Variants in HELLS observed in about 807,000 individuals in gnomAD.
HELLS encodes the protein helicase, lymphoid specific, also known as lymphoid-specific helicase.
HELLS carries 32 observed loss-of-function variants against 120.0 expected under a neutral mutation model. That is an observed-to-expected ratio of 0.27 (90% confidence interval 0.20 to 0.36). The LOEUF is 0.36. Ranked by LOEUF, HELLS falls within the 10% of genes least tolerant of loss-of-function variation. The pLI is 1.00. For missense variants in HELLS, 650 were observed against 993.4 expected, an observed-to-expected ratio of 0.65 and a Z score of 4.65; for synonymous variants, 341 against 323.4, an observed-to-expected ratio of 1.05 and a Z score of -0.58.
intron 6 of HELLS, among the ~76,000 whole-genome samples, chr10:94,567,282 C>T (rs576606842): frequency 1.9e-4 from 29 of 152,146 alleles, no homozygotes; most frequent in Non-Finnish European, 3.4e-4. Flanking sequence ...CTAGATTGCC[C>T]TGTTTTTTAT....
chr10:94,568,785 G>A (rs930246232), intron 6 of HELLS, among the ~76,000 whole-genome samples: 30 of 151,490 alleles, frequency 2.0e-4, no homozygotes, highest in African/African-American at 6.5e-4. Flanking sequence ...TTTGTATTAC[G>A]GAAAATCTCA....
At chr10:94,593,436 C>T in intron 17 of HELLS, 63 bp from the exon 18 acceptor site, 1 of 989,558 alleles carries the variant, frequency 1.0e-6, no homozygotes, top group South Asian at 1.3e-5. Context: ...AAACATTTTT[C>T]TCCTTCAGTC....
chr10:94,560,502 C>G (rs1397799316), intron 4 of HELLS, among the ~76,000 whole-genome samples: 1 of 151,754 alleles, frequency 6.6e-6, no homozygotes, highest in Non-Finnish European at 1.5e-5. Flanking sequence ...CGAGACCAGC[C>G]TGGTCAACAT....
chr10:94,580,555 T>G (rs1333880470), intron 10 of HELLS, among the ~76,000 whole-genome samples: 5 of 152,114 alleles, frequency 3.3e-5, no homozygotes, highest in Non-Finnish European at 5.9e-5. Flanking sequence ...GTTTTTTGGT[T>G]TAACATATTG....
intron 6 of HELLS, among the ~76,000 whole-genome samples, chr10:94,565,260 G>T (rs921765676): frequency 3.3e-5 from 5 of 152,128 alleles, no homozygotes; most frequent in African/African-American, 1.2e-4. Context: ...TCACGAACCT[G>T]GGAGGCAGAG....
intron 3 of HELLS, among the ~76,000 whole-genome samples, chr10:94,557,392 C>T (rs1183384677): frequency 1.4e-4 from 22 of 152,154 alleles, no homozygotes; most frequent in Admixed American, 1.4e-3. Context: ...ACAGCATCTA[C>T]CCCTTTCATC....
intron 6 of HELLS, chr10:94,570,394 C>T (rs756703562): frequency 3.3e-5 from 5 of 152,084 alleles, no homozygotes; most frequent in Non-Finnish European, 7.3e-5. Context: ...TCCTTTTAGC[C>T]TCAGCCTTAT....
chr10:94,547,343 A>G (rs529527764), intron 2 of HELLS, among the ~76,000 whole-genome samples: 19 of 152,318 alleles, frequency 1.2e-4, no homozygotes, highest in Admixed American at 6.5e-4. Context: ...AGAAGGGCAC[A>G]TAGTAAGTGT....
In HELLS at chr10:94,590,779, GA is replaced by G; in HGVS notation, c.1767+5del. On this transcript the variant is annotated splice_donor_region_variant and intron_variant, in intron 15 of 21. Coordinates refer to ENST00000348459, the MANE Select transcript of HELLS (RefSeq NM_018063.5). ...ACCCTGTTACACAAGAATTTAAGGT[GA>G]ATACTGTTTAATTCTAATTTACTGT... The G allele has an allele frequency of 6.9e-7, 1 of 1,449,260 alleles. No homozygotes were observed. The highest frequency in any genetic ancestry group is 9.4e-7 in the Non-Finnish European group (1 of 1,059,944). The allele number at this position is 1,449,260 out of a possible 1,614,324, so 89.8% of individuals were successfully genotyped here. A position where few individuals can be genotyped will look rare whatever the true frequency, so the allele number is the denominator to read the frequency against.
intron 3 of HELLS, among the ~76,000 whole-genome samples, chr10:94,554,527 T>C (rs765522379): frequency 2.0e-5 from 3 of 152,178 alleles, no homozygotes; most frequent in Non-Finnish European, 4.4e-5. Context: ...TATTGTTTTT[T>C]CCTAGAAAAT....
intron 10 of HELLS, among the ~76,000 whole-genome samples, chr10:94,578,352 A>G (rs1323249380): frequency 1.3e-5 from 2 of 152,134 alleles, no homozygotes; most frequent in African/African-American, 2.4e-5. Context: ...ATTCAAATGC[A>G]TTATAATTAT....
At chr10:94,580,179 ACACACATTTT>A (rs1844791508) in intron 10 of HELLS, among the ~76,000 whole-genome samples, 1 of 115,528 alleles carries the variant, frequency 8.7e-6, no homozygotes, top group Admixed American at 9.3e-5. Flanking sequence ...ACACACACAC[ACACACATTTT>A]TTTTTTTTTT....
At chr10:94,562,998 A>G in intron 6 of HELLS, 122 bp downstream of exon 6, 1 of 640,726 alleles carries the variant, frequency 1.6e-6, no homozygotes, top group Non-Finnish European at 2.7e-6. Context: ...TGAATTTAAT[A>G]TTATATATCA....
chr10:94,581,264 T>C (rs1040480402), intron 10 of HELLS, 62 bp from the exon 11 acceptor site: 1 of 1,032,952 alleles, frequency 9.7e-7, no homozygotes, highest in African/African-American at 1.6e-5. Flanking sequence ...ATTTTTAGAA[T>C]TCTTGTTAGA....
downstream of HELLS, among the ~76,000 whole-genome samples, chr10:94,603,309 G>A (rs542890572): frequency 2.0e-5 from 3 of 152,080 alleles, no homozygotes; most frequent in African/African-American, 4.8e-5. Flanking sequence ...TTAAGGTCTC[G>A]TGACGTCAGT....
chr10:94,557,432 G>T (rs2134005932), intron 3 of HELLS, among the ~76,000 whole-genome samples: 1 of 152,242 alleles, frequency 6.6e-6, no homozygotes, highest in South Asian at 2.1e-4. Context: ...AATTTTTGGT[G>T]TCTTTAAAAA....
chr10:94,597,936 A>G (rs1231657894), intron 21 of HELLS, among the ~76,000 whole-genome samples: 1 of 151,830 alleles, frequency 6.6e-6, no homozygotes, highest in Non-Finnish European at 1.5e-5. Context: ...TTCTTTTATT[A>G]GCTGGGTTAT....
chr10:94,562,056 C>G (rs895354450), intron 4 of HELLS, among the ~76,000 whole-genome samples: 5 of 150,650 alleles, frequency 3.3e-5, no homozygotes, highest in Non-Finnish European at 7.4e-5. Flanking sequence ...GCTGGGATTA[C>G]AGGCTTGAGC....
intron 11 of HELLS, among the ~76,000 whole-genome samples, chr10:94,582,622 G>C (rs1844927038): frequency 6.6e-6 from 1 of 151,900 alleles, no homozygotes; most frequent in South Asian, 2.1e-4. Flanking sequence ...ATATGGCTTT[G>C]GTTTTCAGAG....
Sources: allele counts gnomAD v4.1 joint callset (sites outside exome capture counted in the v4.1 genomes callset), GRCh38; gene constraint gnomAD v4.1.1; transcripts MANE v1.5; gene names NCBI Gene and HGNC (gene_info 2026-07-23, HGNC 2026-07-21).